The following CPED1 variants were observed in gnomAD, a reference collection of about 807,000 sequenced individuals.
The protein encoded by CPED1 is cadherin like and PC-esterase domain containing 1, also known as cadherin-like and PC-esterase domain-containing protein 1.
A neutral mutation model predicts 128.2 loss-of-function variants in CPED1; 114 were observed. That is an observed-to-expected ratio of 0.89 (90% CI 0.76 to 1.04). The LOEUF (loss-of-function observed/expected upper bound fraction) is 1.04, where lower values mean the gene tolerates loss of function less well. Among genes scored for constraint, CPED1 ranks in the 50% least tolerant of loss-of-function variants. The probability of loss-of-function intolerance (pLI) is 0.00; values close to 1 mark genes in which losing one functional copy is unlikely to be tolerated. For missense variants in CPED1, 1,211 were observed against 1,207.1 expected (o/e 1.00, Z -0.05); for synonymous variants, 462 against 426.7 (o/e 1.08, Z -1.02).
intron 12 of CPED1, among the ~76,000 whole-genome samples, chr7:121,131,633 G>A (rs531808248): frequency 1.3e-5 from 2 of 151,634 alleles, no homozygotes; most frequent in South Asian, 4.2e-4. Flanking sequence ...TTAGAAGATT[G>A]AATTCTCTTC....
intron 22 of CPED1, among the ~76,000 whole-genome samples, chr7:121,283,309 TTCTA>T (rs1422853817): frequency 6.6e-6 from 1 of 152,216 alleles, no homozygotes; most frequent in Non-Finnish European, 1.5e-5. Flanking sequence ...TTTCCTATTC[TTCTA>T]TCTCAGTATT....
chr7:121,071,026 A>G (rs149917431), intron 5 of CPED1, among the ~76,000 whole-genome samples: 29 of 152,260 alleles, frequency 1.9e-4, no homozygotes, highest in African/African-American at 6.5e-4. Context: ...ATGTGACATA[A>G]CAAATTTCCT....
intron 7 of CPED1, among the ~76,000 whole-genome samples, chr7:121,117,077 T>TTATATATATATATATATATATATA (rs34007948): frequency 3.9e-5 from 5 of 128,804 alleles, no homozygotes; most frequent in African/African-American, 1.2e-4. Flanking sequence ...TATATACACA[T>TTATATATATATATATATATATATA]TATATATATA....
rs190561518 is a variant in CPED1, at chr7:121,256,195, G to T, written c.2311-10032G>T. Among the ~76,000 whole-genome samples the T allele has an allele frequency of 3.4e-5, 5 of 145,694 alleles. No homozygotes were observed. In the South Asian group the frequency reaches 6.4e-4, roughly 19 times the overall value. ...CAACTTCAAACTATACTATAAAGCT[G>T]CAATAACCAAAACAACATGGTACTG... is the stretch of plus-strand genomic sequence containing the variant. On this transcript the variant is annotated intron_variant, in intron 18 of 22. Coordinates refer to ENST00000310396, the MANE Select transcript of CPED1 (RefSeq NM_024913.5).
At chr7:121,257,511 A>T (rs55899883) in intron 18 of CPED1, among the ~76,000 whole-genome samples, 7 of 150,452 alleles carry the variant, frequency 4.7e-5, no homozygotes, top group Admixed American at 1.3e-4. Context: ...TGAGAAAGAT[A>T]TTTTTTTTTT....
intron 16 of CPED1, among the ~76,000 whole-genome samples, chr7:121,230,292 T>C (rs1798107245): frequency 6.6e-6 from 1 of 151,944 alleles, no homozygotes; most frequent in Non-Finnish European, 1.5e-5. Flanking sequence ...GAAGGGAAAC[T>C]TGGAAAACTG....
At chr7:121,144,454 C>T (rs905669578) in intron 16 of CPED1, among the ~76,000 whole-genome samples, 2 of 152,032 alleles carry the variant, frequency 1.3e-5, no homozygotes, top group African/African-American at 4.8e-5. Flanking sequence ...CACATGTTCT[C>T]AGTCATATGT....
intron 5 of CPED1, among the ~76,000 whole-genome samples, chr7:121,069,793 A>G (rs1376827813): frequency 6.6e-6 from 1 of 152,186 alleles, no homozygotes; most frequent in African/African-American, 2.4e-5. Context: ...TCATATTTGA[A>G]AGACAAGTAT....
At position 121,176,282 on chromosome 7, in the gene CPED1, T is replaced by C. The variant is rs143893552; in HGVS notation, c.2055+34141T>C. Among the ~76,000 whole-genome samples the C allele has an allele frequency of 4.2e-4, 63 of 150,752 alleles. 2 individuals are homozygous for C. In the East Asian group the frequency reaches 0.011, roughly 27 times the overall value. ...ACTAATAGTAATAAGCCTCCTATAA[T>C]TGAAATCAGGGAATATCCATAAATA... On this transcript the variant is annotated intron_variant, in intron 16 of 22. Transcript: ENST00000310396.
chr7:121,007,544 T>G (rs1319220157), intron 2 of CPED1, among the ~76,000 whole-genome samples: 4 of 152,174 alleles, frequency 2.6e-5, no homozygotes, highest in African/African-American at 9.7e-5. Context: ...CATTACAGCA[T>G]TTATCATTAA....
chr7:121,185,905 G>C (rs1413974695), intron 16 of CPED1, among the ~76,000 whole-genome samples: 2 of 152,178 alleles, frequency 1.3e-5, no homozygotes, highest in East Asian at 3.9e-4. Flanking sequence ...GAAGATTTCA[G>C]TGGTCAGGTT....
chr7:121,134,254 GA>G (rs1795738213), intron 13 of CPED1, among the ~76,000 whole-genome samples: 1 of 152,038 alleles, frequency 6.6e-6, no homozygotes, highest in South Asian at 2.1e-4. Context: ...AGCCACAAAA[GA>G]GAAAGAAATC....
intron 17 of CPED1, among the ~76,000 whole-genome samples, chr7:121,237,517 C>T (rs1319316782): frequency 6.6e-6 from 1 of 152,122 alleles, no homozygotes; most frequent in Non-Finnish European, 1.5e-5. Flanking sequence ...GAATGAGATA[C>T]ATCTTTGGTG....
chr7:121,105,614 G>T (rs1794957151), intron 7 of CPED1, among the ~76,000 whole-genome samples: 1 of 152,002 alleles, frequency 6.6e-6, no homozygotes, highest in Admixed American at 6.6e-5. Flanking sequence ...TTGCATCAGG[G>T]TGTTCATTTT....
At chr7:120,997,610 A>G (rs1796428943) in intron 2 of CPED1, among the ~76,000 whole-genome samples, 1 of 152,194 alleles carries the variant, frequency 6.6e-6, no homozygotes. Flanking sequence ...CCCCTAATCC[A>G]ATATGACTGG....
chr7:121,006,915 A>G (rs1435737442), intron 2 of CPED1, among the ~76,000 whole-genome samples: 1 of 152,136 alleles, frequency 6.6e-6, no homozygotes, highest in Admixed American at 6.6e-5. Context: ...AGAAGCAGAA[A>G]AGGGAAAGAG....
intron 4 of CPED1, among the ~76,000 whole-genome samples, chr7:121,059,827 G>A (rs1464430971): frequency 6.6e-6 from 1 of 152,178 alleles, no homozygotes; most frequent in Non-Finnish European, 1.5e-5. Context: ...CACAGCCTTC[G>A]CTCGCTCTCG....
chr7:121,080,436 C>G (rs1043658536), intron 5 of CPED1, among the ~76,000 whole-genome samples: 3 of 151,852 alleles, frequency 2.0e-5, no homozygotes, highest in African/African-American at 4.8e-5. Flanking sequence ...GATCAGATTT[C>G]TAAAACACAT....
chr7:121,250,235 G>T (rs537712467), intron 18 of CPED1, among the ~76,000 whole-genome samples: 67 of 152,078 alleles, frequency 4.4e-4, no homozygotes, highest in African/African-American at 1.6e-3. Flanking sequence ...GGTACATAAC[G>T]AAATGAAGGC....
Sources: gnomAD v4.1 joint callset for allele counts (sites outside exome capture counted in the v4.1 genomes callset) on GRCh38, gnomAD v4.1.1 for gene constraint, MANE v1.5 for transcripts, NCBI Gene and HGNC (gene_info 2026-07-23, HGNC 2026-07-21) for gene names.